Variants in PSG6 observed in about 807,000 individuals in gnomAD.
PSG6 encodes pregnancy specific beta-1-glycoprotein 6.
PSG6 carries 51 observed loss-of-function variants against 43.3 expected under a neutral mutation model. The observed-to-expected ratio is 1.18, with a 90% CI of 0.94 to 1.49. The LOEUF (loss-of-function observed/expected upper bound fraction) is 1.49, where lower values mean the gene tolerates loss of function less well. PSG6 is among the 40% of genes most tolerant of loss of function. The pLI, the probability that PSG6 is intolerant of heterozygous loss-of-function variation, is 0.00. For missense variants in PSG6, 770 were observed against 522.2 expected (o/e 1.47, Z -4.62); for synonymous variants, 292 against 197.6 (o/e 1.48, Z -4.01).
chr19:42,913,863 A>G (rs180983514), intron 2 of PSG6, among the ~76,000 whole-genome samples: 1 of 151,478 alleles, frequency 6.6e-6, no homozygotes, highest in South Asian at 2.1e-4. Flanking sequence ...ATCACCAATC[A>G]GCAGTACTCA....
rs1972369045 is a variant in PSG6 at position 42,917,847 on chromosome 19, C to G, written c.-55G>C. ...TGGAGATGAGCCTAGGATCCAGAGA[C>G]TTCCTGAGCAGGGCTGTCAGGTGTG... On this transcript the variant is annotated 5_prime_UTR_variant, in exon 1 of 6. Transcript: ENST00000187910. 1 of 1,583,250 alleles carries G rather than the reference C, an allele frequency of 6.3e-7. No individual in the cohort carries two copies. The highest frequency in any genetic ancestry group is 1.1e-5 in the South Asian group (1 of 87,504).
In PSG6 at chr19:42,910,704, C is replaced by G. The variant is rs1179976497; in HGVS notation, c.582G>C (p.Leu194=). 3.1e-6 allele frequency: 5 copies of G among 1,612,244 alleles called. No individual in the cohort carries two copies. In the Admixed American group the frequency reaches 8.4e-5, roughly 27 times the overall value. ...QNLPMTHRLQ[L]SKTNRTLYLF... ...GATAGAGGGTCCTGTTGGTTTTGGA[C>G]AGCTGCAACCTGTGAGTCATAGGGA... is the stretch of plus-strand genomic sequence containing the variant. Residue 194 remains leucine, a synonymous_variant, in exon 3 of 6, where the codon CTG becomes CTC. Coordinates refer to ENST00000187910, the MANE Select transcript of PSG6 (RefSeq NM_001031850.4).
chr19:42,915,828 CA>C (rs1972314450), intron 2 of PSG6: 1 of 520,710 alleles, frequency 1.9e-6, no homozygotes, highest in Admixed American at 3.6e-5. Flanking sequence ...TTCTCAGGGT[CA>C]AATTTATGAA....
chr19:42,908,672 G>A (rs960915052), intron 3 of PSG6, among the ~76,000 whole-genome samples: 2 of 151,740 alleles, frequency 1.3e-5, no homozygotes, highest in Non-Finnish European at 2.9e-5. Flanking sequence ...ATTTGCAAAT[G>A]CAGAACTGAG....
intron 2 of PSG6, among the ~76,000 whole-genome samples, chr19:42,913,225 A>T (rs1334289363): frequency 6.6e-6 from 1 of 151,390 alleles, no homozygotes; most frequent in Non-Finnish European, 1.5e-5. Flanking sequence ...ATCTCAGCTC[A>T]CTGCAAGCTC....
At position 42,907,730 on chromosome 19, in the gene PSG6, C is replaced by A. The variant is rs143223284; in HGVS notation, c.831G>T (p.Gln277His). 1.2e-5 allele frequency: 20 copies of A among 1,610,868 alleles called. No homozygotes were observed. Among genetic ancestry groups the A allele is most frequent in the Non-Finnish European group, 1.6e-5 (19 of 1,179,126 alleles). Residue 277 changes from glutamine (Q) to histidine (H), a missense_variant, in exon 4 of 6, where the codon CAG (glutamine) becomes CAT (histidine). Physicochemically the swap from Gln to His is conservative, Grantham distance 24. Transcript: ENST00000187910. ...NYTYIWWLNGQSLPVSPRVKR... is the reference protein window; with the variant it reads ...NYTYIWWLNGHSLPVSPRVKR... ...TTACCCTCGGACTGACCGGGAGGCT[C>A]TGACCATTTAGCCACCAAATGTAGG...
chr19:42,915,637 C>T (rs903480907), intron 2 of PSG6: 5 of 179,662 alleles, frequency 2.8e-5, no homozygotes, highest in South Asian at 1.6e-4. Context: ...GCTGGTAAAT[C>T]CTTGGTCCCA....
chr19:42,917,687 T>A (rs762554581), intron 1 of PSG6, 42 bp downstream of exon 1: 1 of 1,604,400 alleles, frequency 6.2e-7, no homozygotes, highest in Non-Finnish European at 8.5e-7. Flanking sequence ...CCAGTCACTC[T>A]GCTTCCTCCT....
At chr19:42,917,594 A>T in intron 1 of PSG6, 135 bp downstream of exon 1, 1 of 1,356,416 alleles carries the variant, frequency 7.4e-7, no homozygotes, top group Non-Finnish European at 1.0e-6. Context: ...TGAACTCCTG[A>T]TCTCGTGATC....
chr19:42,917,894 T>C lies in PSG6; in HGVS notation c.-102A>G, dbSNP rs1219673801. The C allele has an allele frequency of 1.4e-6, 2 of 1,465,782 alleles. No homozygotes were observed. Among genetic ancestry groups the C allele is most frequent in the South Asian group, 1.3e-5 (1 of 75,690 alleles). The allele number at this position is 1,465,782 out of a possible 1,614,324, so 90.8% of individuals were successfully genotyped here. On this transcript the variant is annotated 5_prime_UTR_variant, in exon 1 of 6. Coordinates refer to ENST00000187910, the MANE Select transcript of PSG6 (RefSeq NM_001031850.4). ...TGTGCTGTCCTTCCTCCTTCTGTGC[T>C]GAGCCTCTTCCCAGGGCAGAAGCAC...
chr19:42,909,574 C>A (rs919461690), intron 3 of PSG6: 1 of 151,614 alleles, frequency 6.6e-6, no homozygotes, highest in Non-Finnish European at 1.5e-5. Flanking sequence ...ATATTGATAT[C>A]GTCTTTAATT....
chr19:42,906,376 C>T (rs1422767636), intron 5 of PSG6, among the ~76,000 whole-genome samples: 1 of 151,478 alleles, frequency 6.6e-6, no homozygotes, highest in Non-Finnish European at 1.5e-5. Context: ...CCTTTCTCCA[C>T]ACATGTTGGT....
intron 5 of PSG6, chr19:42,903,617 A>C: frequency 6.9e-7 from 1 of 1,455,736 alleles, no homozygotes; most frequent in Non-Finnish European, 9.1e-7. Context: ...GACTCTGAGC[A>C]TGGTGGGTCA....
chr19:42,917,306 C>A (rs1741819876), intron 1 of PSG6, among the ~76,000 whole-genome samples: 1 of 150,908 alleles, frequency 6.6e-6, no homozygotes, highest in African/African-American at 2.4e-5. Flanking sequence ...GGTGTATTTT[C>A]CCCTATCCAG....
intron 5 of PSG6, 64 bp downstream of exon 5, chr19:42,906,858 T>C (rs1972120853): frequency 6.2e-7 from 1 of 1,610,744 alleles, no homozygotes; most frequent in African/African-American, 1.3e-5. Context: ...TTCCTGACTC[T>C]TCTCTGAAAG....
intron 5 of PSG6, among the ~76,000 whole-genome samples, chr19:42,904,548 C>A (rs1401194239): frequency 6.6e-6 from 1 of 151,520 alleles, no homozygotes; most frequent in Non-Finnish European, 1.5e-5. Flanking sequence ...ATATTCACAT[C>A]AAAAAGAATA....
rs1972047416 is a variant in PSG6, at chr19:42,902,359, T to C, written c.*53A>G. The C allele has an allele frequency of 7.5e-6, 12 of 1,589,444 alleles. No homozygotes were observed. Among genetic ancestry groups the C allele is most frequent in the African/African-American group, 1.4e-5 (1 of 73,896 alleles). ...AGTTTTTTTCTTCTTTGTCTTGAAT[T>C]TCATGAAGGTATCAACCTGTTCTTT... On this transcript the variant is annotated 3_prime_UTR_variant, in exon 6 of 6. Transcript: ENST00000187910.
At chr19:42,917,124 T>C (rs549832692) in intron 1 of PSG6, among the ~76,000 whole-genome samples, 1 of 151,480 alleles carries the variant, frequency 6.6e-6, no homozygotes, top group East Asian at 2.0e-4. Flanking sequence ...AAGTGTTTCA[T>C]GCCCTGGTTA....
chr19:42,905,401 C>A (rs932376227), intron 5 of PSG6, among the ~76,000 whole-genome samples: 9 of 151,616 alleles, frequency 5.9e-5, no homozygotes, highest in South Asian at 4.2e-4. Context: ...TAAACAACAA[C>A]AATGACAGCA....
Sources: allele counts gnomAD v4.1 joint callset (sites outside exome capture counted in the v4.1 genomes callset), GRCh38; gene constraint gnomAD v4.1.1; transcripts MANE v1.5; gene names NCBI Gene and HGNC (gene_info 2026-07-23, HGNC 2026-07-21).